The following GRM7 variants were observed in gnomAD, a reference collection of about 807,000 sequenced individuals.
GRM7 encodes the protein metabotropic glutamate receptor 7.
A neutral mutation model predicts 84.5 loss-of-function variants in GRM7; 35 were observed. That is an observed-to-expected ratio of 0.41 (90% CI 0.32 to 0.55). GRM7 has a LOEUF of 0.55. GRM7 is among the 20% of genes least tolerant of loss of function. GRM7 has a pLI of 0.19. For synonymous variants in GRM7, 487 were observed against 455.1 expected (o/e 1.07, Z -0.89); for missense variants, 1,003 against 1,194.6 (o/e 0.84, Z 2.36).
At chr3:6,893,382 ACT>A (rs1696046445) in intron 1 of GRM7, among the ~76,000 whole-genome samples, 1 of 152,122 alleles carries the variant, frequency 6.6e-6, no homozygotes, top group Non-Finnish European at 1.5e-5. Flanking sequence ...ATATTGCGTT[ACT>A]CTCATATCTG....
intron 1 of GRM7, among the ~76,000 whole-genome samples, chr3:7,002,137 CAAAT>C (rs1315969356): frequency 6.6e-5 from 10 of 152,036 alleles, no homozygotes; most frequent in Admixed American, 5.9e-4. Flanking sequence ...AGGAAAGAGA[CAAAT>C]AATCCTCTTT....
At chr3:7,581,968 C>A (rs912747676) in intron 8 of GRM7, among the ~76,000 whole-genome samples, 1 of 151,990 alleles carries the variant, frequency 6.6e-6, no homozygotes, top group South Asian at 2.1e-4. Context: ...CCCATGACTT[C>A]TAGAATGAGC....
At chr3:7,191,438 C>T (rs1170865242) in intron 2 of GRM7, among the ~76,000 whole-genome samples, 1 of 151,896 alleles carries the variant, frequency 6.6e-6, no homozygotes, top group East Asian at 1.9e-4. Context: ...CAAATGAAGG[C>T]TTATGTTAAT....
intron 7 of GRM7, among the ~76,000 whole-genome samples, chr3:7,481,508 G>C (rs1172466138): frequency 6.6e-6 from 1 of 152,206 alleles, no homozygotes; most frequent in Non-Finnish European, 1.5e-5. Flanking sequence ...TTCCAGATTT[G>C]TTAAATAATG....
chr3:7,179,772 CAT>C (rs1172713874), intron 2 of GRM7, among the ~76,000 whole-genome samples: 3 of 152,088 alleles, frequency 2.0e-5, no homozygotes, highest in African/African-American at 7.2e-5. Flanking sequence ...GCCACTAAGT[CAT>C]ATTTAAGGGA....
intron 2 of GRM7, among the ~76,000 whole-genome samples, chr3:7,240,341 A>G (rs1697510842): frequency 6.6e-6 from 1 of 151,076 alleles, no homozygotes. Context: ...ATGGCCTGGA[A>G]TTGTTTTTTT....
At chr3:7,092,968 A>G (rs1044712868) in intron 1 of GRM7, among the ~76,000 whole-genome samples, 1 of 152,150 alleles carries the variant, frequency 6.6e-6, no homozygotes, top group Non-Finnish European at 1.5e-5. Context: ...CTGTAGTCCC[A>G]GCTGCTTGGG....
At chr3:7,161,710 T>G (rs1278495381) in intron 2 of GRM7, among the ~76,000 whole-genome samples, 1 of 152,234 alleles carries the variant, frequency 6.6e-6, no homozygotes, top group Admixed American at 6.5e-5. Context: ...TATTATTTAT[T>G]CAACAAATAT....
intron 7 of GRM7, among the ~76,000 whole-genome samples, chr3:7,503,405 C>G (rs1699943101): frequency 6.6e-6 from 1 of 151,962 alleles, no homozygotes; most frequent in Non-Finnish European, 1.5e-5. Context: ...CACACACACA[C>G]TTTCTCAGGA....
intron 4 of GRM7, among the ~76,000 whole-genome samples, chr3:7,378,294 G>GA (rs1315692421): frequency 6.6e-6 from 1 of 152,080 alleles, no homozygotes; most frequent in Non-Finnish European, 1.5e-5. Context: ...AAATTTGAAA[G>GA]AAAAAGGCAG....
Position 7,740,477 on chromosome 3 carries a change from C to CCAAAGAG in GRM7, c.*71_*72insCAAAGAG. 7 of 851,968 alleles carry CCAAAGAG rather than the reference C, an allele frequency of 8.2e-6. No individual in the cohort carries two copies. The highest frequency in any genetic ancestry group is 1.3e-5 in the Non-Finnish European group (7 of 542,954). 52.8% of individuals were successfully genotyped at this position (851,968 alleles called of 1,614,324 possible). ...TTTTGTCACCCAACCTGGCATAGGA[C>CCAAAGAG]TCTTTGGTCCTACCCGCTTCCCATC... is the stretch of plus-strand genomic sequence containing the variant. On this transcript the variant is annotated 3_prime_UTR_variant, in exon 10 of 10. Transcript: ENST00000357716.
At chr3:7,457,912 G>T (rs974643604) in intron 6 of GRM7, among the ~76,000 whole-genome samples, 2 of 152,122 alleles carry the variant, frequency 1.3e-5, no homozygotes, top group Non-Finnish European at 2.9e-5. Context: ...GTGGACCAGA[G>T]AGCTGCTGTC....
At chr3:7,378,093 A>T (rs1415599448) in intron 4 of GRM7, among the ~76,000 whole-genome samples, 2 of 152,200 alleles carry the variant, frequency 1.3e-5, no homozygotes. Context: ...ACAAAATTAT[A>T]TGACTTCAAA....
rs529565843 is a variant in GRM7 at position 7,325,343 on chromosome 3, G to GC, written c.1033+18692dup. 3.9e-4 allele frequency among the ~76,000 whole-genome samples: 59 copies of GC among 152,318 alleles called. 1 individual carries two copies. The East Asian group carries it at 8.5e-3, about 22-fold the overall frequency. ...ACCAAAGGACCAAAGATTCTCTAGA[G>GC]CAAAGCTTCTCAAATGTTTGCATTT... On this transcript the variant is annotated intron_variant, in intron 4 of 9. Coordinates refer to ENST00000357716, the MANE Select transcript of GRM7 (RefSeq NM_000844.4).
chr3:7,621,432 G>A (rs1415183471), intron 8 of GRM7, among the ~76,000 whole-genome samples: 3 of 152,034 alleles, frequency 2.0e-5, no homozygotes, highest in Admixed American at 6.6e-5. Context: ...AAACACAAAC[G>A]TGGACCCTGC....
At chr3:6,990,902 A>G (rs896934411) in intron 1 of GRM7, among the ~76,000 whole-genome samples, 2 of 152,108 alleles carry the variant, frequency 1.3e-5, no homozygotes, top group East Asian at 1.9e-4. Context: ...GTGGCCCAGG[A>G]CTGCTTAAAG....
At chr3:7,155,246 C>A (rs1039584919) in intron 2 of GRM7, among the ~76,000 whole-genome samples, 1 of 152,062 alleles carries the variant, frequency 6.6e-6, no homozygotes, top group Non-Finnish European at 1.5e-5. Context: ...GATTTCGAAT[C>A]TCTCCAAGGC....
chr3:7,561,419 G>A (rs908146843), intron 7 of GRM7: 4 of 445,014 alleles, frequency 9.0e-6, no homozygotes, highest in African/African-American at 8.0e-5. Context: ...TTAATACAGT[G>A]CATGGAACAC....
At chr3:7,414,058 C>T (rs543066896) in intron 4 of GRM7, among the ~76,000 whole-genome samples, 1 of 152,104 alleles carries the variant, frequency 6.6e-6, no homozygotes, top group South Asian at 2.1e-4. Flanking sequence ...AGACTACCTA[C>T]TTCCTTTGGT....
Sources: allele counts gnomAD v4.1 joint callset (sites outside exome capture counted in the v4.1 genomes callset), GRCh38; gene constraint gnomAD v4.1.1; transcripts MANE v1.5; gene names NCBI Gene and HGNC (gene_info 2026-07-23, HGNC 2026-07-21).